The following PTPRD variants were observed in gnomAD, a reference collection of about 807,000 sequenced individuals.
The protein encoded by PTPRD is receptor-type tyrosine-protein phosphatase delta.
A neutral mutation model predicts 214.5 loss-of-function variants in PTPRD; 34 were observed. The observed-to-expected ratio is 0.16, with a 90% CI of 0.12 to 0.21. The LOEUF (loss-of-function observed/expected upper bound fraction) is 0.21, where lower values mean the gene tolerates loss of function less well. PTPRD is among the 10% of genes least tolerant of loss of function. The probability of loss-of-function intolerance (pLI) is 1.00; values close to 1 mark genes in which losing one functional copy is unlikely to be tolerated. For synonymous variants in PTPRD, 1,128 were observed against 845.7 expected (o/e 1.33, Z -5.79); for missense variants, 2,545 against 2,398.7 (o/e 1.06, Z -1.27).
At chr9:10,040,911 C>T (rs1015794390) in intron 3 of PTPRD, among the ~76,000 whole-genome samples, 1 of 152,042 alleles carries the variant, frequency 6.6e-6, no homozygotes, top group Admixed American at 6.6e-5. Flanking sequence ...GGCAACTCCA[C>T]CCTCTTGCTA....
intron 2 of PTPRD, among the ~76,000 whole-genome samples, chr9:10,346,058 T>C (rs921867860): frequency 3.3e-5 from 5 of 152,188 alleles, no homozygotes; most frequent in South Asian, 2.1e-4. Context: ...ACAGAAAATA[T>C]ATGGAATTTA....
At chr9:9,629,605 C>A (rs2095528195) in intron 7 of PTPRD, among the ~76,000 whole-genome samples, 1 of 152,144 alleles carries the variant, frequency 6.6e-6, no homozygotes, top group Non-Finnish European at 1.5e-5. Flanking sequence ...CTATTCTGCA[C>A]CAGAATTACT....
chr9:9,589,057 T>G (rs1485348600), intron 7 of PTPRD, among the ~76,000 whole-genome samples: 1 of 151,994 alleles, frequency 6.6e-6, no homozygotes, highest in East Asian at 1.9e-4. Context: ...GTATGCTTAT[T>G]AATAATTTGA....
At chr9:9,943,090 CAAG>C (rs1041016400) in intron 4 of PTPRD, among the ~76,000 whole-genome samples, 1 of 152,100 alleles carries the variant, frequency 6.6e-6, no homozygotes, top group Non-Finnish European at 1.5e-5. Context: ...TTAGCCTACC[CAAG>C]TCTCCTTGGT....
intron 39 of PTPRD, among the ~76,000 whole-genome samples, chr9:8,364,956 A>G (rs1212108586): frequency 6.6e-6 from 1 of 152,098 alleles, no homozygotes; most frequent in African/African-American, 2.4e-5. Flanking sequence ...TATTTTCCTA[A>G]TGCATCTAGA....
chr9:9,719,610 C>A (rs538969240), intron 7 of PTPRD, among the ~76,000 whole-genome samples: 4 of 152,138 alleles, frequency 2.6e-5, no homozygotes, highest in East Asian at 1.9e-4. Context: ...AGAGTTGTAA[C>A]ACAAACGGTC....
chr9:8,941,727 C>T (rs569529519), intron 11 of PTPRD, among the ~76,000 whole-genome samples: 2 of 152,234 alleles, frequency 1.3e-5, no homozygotes, highest in African/African-American at 4.8e-5. Context: ...AAAAATCCAG[C>T]AAAAATACGA....
chr9:10,434,845 A>G (rs776379619), intron 2 of PTPRD, among the ~76,000 whole-genome samples: 13 of 151,838 alleles, frequency 8.6e-5, no homozygotes, highest in Admixed American at 1.3e-4. Context: ...TGAATCTTAT[A>G]AATCTGGACT....
At chr9:10,167,866 T>C (rs2099169154) in intron 3 of PTPRD, among the ~76,000 whole-genome samples, 1 of 152,170 alleles carries the variant, frequency 6.6e-6, no homozygotes, top group Admixed American at 6.5e-5. Flanking sequence ...TCTCCCTATA[T>C]AGCTGTAAGA....
At chr9:10,113,444 A>G (rs1159190722) in intron 3 of PTPRD, among the ~76,000 whole-genome samples, 1 of 152,150 alleles carries the variant, frequency 6.6e-6, no homozygotes, top group African/African-American at 2.4e-5. Context: ...GCTGCTCAAT[A>G]ACTCAAACAC....
intron 13 of PTPRD, among the ~76,000 whole-genome samples, chr9:8,634,427 T>A (rs1345723224): frequency 6.6e-6 from 1 of 152,054 alleles, no homozygotes; most frequent in African/African-American, 2.4e-5. Context: ...CTCATATATA[T>A]ATTTATGGGG....
chr9:9,837,159 G>A (rs988118272), intron 5 of PTPRD, among the ~76,000 whole-genome samples: 11 of 152,100 alleles, frequency 7.2e-5, no homozygotes, highest in Non-Finnish European at 1.0e-4. Flanking sequence ...AAGTATGTGT[G>A]TGGTGGTAAA....
chr9:8,625,228 T>C (rs1053714606), intron 14 of PTPRD, among the ~76,000 whole-genome samples: 6 of 151,790 alleles, frequency 4.0e-5, no homozygotes, highest in Non-Finnish European at 8.8e-5. Flanking sequence ...GTACAAAACA[T>C]ACATATATGC....
intron 2 of PTPRD, among the ~76,000 whole-genome samples, chr9:10,548,990 T>C (rs549869251): frequency 6.2e-4 from 94 of 152,332 alleles, no homozygotes; most frequent in Non-Finnish European, 1.1e-3. Context: ...GCTTTGAACA[T>C]TTTCCACAAG....
intron 7 of PTPRD, among the ~76,000 whole-genome samples, chr9:9,622,057 A>G (rs890914497): frequency 4.6e-5 from 7 of 152,190 alleles, no homozygotes; most frequent in African/African-American, 1.4e-4. Flanking sequence ...GCCTTTCACA[A>G]TTTACTAACT....
At chr9:8,914,468 G>A (rs1228668932) in intron 11 of PTPRD, among the ~76,000 whole-genome samples, 1 of 152,020 alleles carries the variant, frequency 6.6e-6, no homozygotes, top group Admixed American at 6.6e-5. Flanking sequence ...TACAACTACT[G>A]CACTATGATT....
At chr9:8,582,709 G>T (rs909767307) in intron 14 of PTPRD, among the ~76,000 whole-genome samples, 1 of 152,170 alleles carries the variant, frequency 6.6e-6, no homozygotes, top group Admixed American at 6.5e-5. Context: ...CCTTCAGATT[G>T]TCCAAATGTA....
At chr9:10,095,092 G>C (rs1591015109) in intron 3 of PTPRD, among the ~76,000 whole-genome samples, 1 of 151,266 alleles carries the variant, frequency 6.6e-6, no homozygotes, top group African/African-American at 2.4e-5. Flanking sequence ...AAAGAGGAAA[G>C]AGGCATAGGT....
intron 7 of PTPRD, among the ~76,000 whole-genome samples, chr9:9,595,581 T>TAC (rs1417495100): frequency 3.3e-5 from 5 of 149,340 alleles, no homozygotes; most frequent in Non-Finnish European, 7.4e-5. Flanking sequence ...TGTGTGTATA[T>TAC]ACATATATAT....
Sources: gnomAD v4.1 joint callset for allele counts (sites outside exome capture counted in the v4.1 genomes callset) on GRCh38, gnomAD v4.1.1 for gene constraint, MANE v1.5 for transcripts, NCBI Gene and HGNC (gene_info 2026-07-23, HGNC 2026-07-21) for gene names.